NAA16: variants seen among roughly 807,000 people sequenced by gnomAD.
The protein encoded by NAA16 is N-alpha-acetyltransferase 16, NatA auxiliary subunit.
In NAA16, 97 loss-of-function variants were observed where a neutral mutation model predicts 110.3. The ratio of observed to expected loss-of-function variants is 0.88; its 90% CI spans 0.75 to 1.04. The LOEUF (loss-of-function observed/expected upper bound fraction) is 1.04, where lower values mean the gene tolerates loss of function less well. Ranked by LOEUF, NAA16 falls within the 50% of genes least tolerant of loss-of-function variation. The pLI is 0.00. For synonymous variants in NAA16, 372 were observed against 330.6 expected, an observed-to-expected ratio of 1.13 and a Z score of -1.36; for missense variants, 1,017 against 1,005.1, an observed-to-expected ratio of 1.01 and a Z score of -0.16.
At chr13:41,365,516 C>G (rs2043191393) in intron 13 of NAA16, among the ~76,000 whole-genome samples, 1 of 151,936 alleles carries the variant, frequency 6.6e-6, no homozygotes, top group Admixed American at 6.6e-5. Flanking sequence ...CTGTTTTTTC[C>G]AAAAGCAAAT....
intron 19 of NAA16, among the ~76,000 whole-genome samples, 165 bp from the exon 20 acceptor site, chr13:41,375,240 T>TA (rs1290810535): frequency 1.3e-5 from 2 of 152,214 alleles, no homozygotes; most frequent in African/African-American, 4.8e-5. Flanking sequence ...GTTGAATTTT[T>TA]AATGTGCCTT....
At chr13:41,334,531 A>G (rs1593448411) in intron 8 of NAA16, among the ~76,000 whole-genome samples, 1 of 152,224 alleles carries the variant, frequency 6.6e-6, no homozygotes, top group Non-Finnish European at 1.5e-5. Flanking sequence ...AAATATGGAC[A>G]TCATGTTTTG....
rs1203953113 is a variant in NAA16 at position 41,376,792 on chromosome 13, T to C, written c.*1190T>C. ...GGGGCGGGTGGATAGCTTTTTGTTCTATCTTGTACAGAAAACAGTAATGGA... is the reference window on the plus strand; with the variant it reads ...GGGGCGGGTGGATAGCTTTTTGTTCCATCTTGTACAGAAAACAGTAATGGA... On this transcript the variant is annotated 3_prime_UTR_variant, in exon 20 of 20. Coordinates refer to ENST00000379406, the MANE Select transcript of NAA16 (RefSeq NM_024561.5). 1 of 152,244 alleles carries C rather than the reference T, an allele frequency of 6.6e-6. No individual in the cohort carries two copies. The highest frequency in any genetic ancestry group is 1.5e-5 in the Non-Finnish European group (1 of 68,034). 9.4% of individuals were successfully genotyped at this position (152,244 alleles called of 1,614,324 possible). A position where few individuals can be genotyped will look rare whatever the true frequency, so the allele number is the denominator to read the frequency against.
intron 10 of NAA16, 23 bp downstream of exon 10, chr13:41,355,239 T>C: frequency 7.3e-7 from 1 of 1,372,202 alleles, no homozygotes; most frequent in Non-Finnish European, 1.0e-6. Flanking sequence ...TAGATTGAAT[T>C]GGAATTTGAT....
chr13:41,368,958 T>C (rs2043261224), intron 14 of NAA16, 132 bp from the exon 15 acceptor site: 1 of 633,692 alleles, frequency 1.6e-6, no homozygotes, highest in African/African-American at 1.9e-5. Context: ...CAGTGGACTT[T>C]GTGGGGGTGG....
At chr13:41,350,523 C>T (rs992868102) in intron 9 of NAA16, among the ~76,000 whole-genome samples, 1 of 151,600 alleles carries the variant, frequency 6.6e-6, no homozygotes, top group African/African-American at 2.4e-5. Flanking sequence ...GTCTCGATCT[C>T]CTGACCTCAT....
intron 13 of NAA16, among the ~76,000 whole-genome samples, chr13:41,366,715 G>A (rs1363675265): frequency 6.6e-6 from 1 of 152,146 alleles, no homozygotes; most frequent in Admixed American, 6.5e-5. Flanking sequence ...TGTAGGTAGA[G>A]TAAGAGAAAA....
intron 10 of NAA16, among the ~76,000 whole-genome samples, chr13:41,356,897 C>T (rs757524145): frequency 1.3e-5 from 2 of 152,134 alleles, no homozygotes; most frequent in East Asian, 1.9e-4. Context: ...TGTTTAAATA[C>T]GGGTGGTGCT....
intron 17 of NAA16, 60 bp from the exon 18 acceptor site, chr13:41,373,576 GT>G (rs144431396): frequency 0.041 from 47,957 of 1,175,464 alleles, 209 homozygotes; most frequent in Middle Eastern, 0.049. Flanking sequence ...TTTTCAGTAG[GT>G]TTTTTTTTTT....
intron 9 of NAA16, among the ~76,000 whole-genome samples, chr13:41,354,111 T>TAGTC (rs1368958654): frequency 2.0e-5 from 3 of 152,188 alleles, no homozygotes; most frequent in Non-Finnish European, 4.4e-5. Flanking sequence ...TGTTAATGTA[T>TAGTC]AGTCCTACCT....
chr13:41,362,745 A>G (rs1360651252), intron 13 of NAA16: 9 of 1,289,734 alleles, frequency 7.0e-6, no homozygotes, highest in African/African-American at 1.5e-5. Flanking sequence ...CTCCTTCCAC[A>G]TGGACCACAG....
chr13:41,348,230 C>T (rs184322872), intron 9 of NAA16, among the ~76,000 whole-genome samples: 65 of 152,082 alleles, frequency 4.3e-4, no homozygotes, highest in African/African-American at 1.5e-3. Flanking sequence ...TGCAGTGGCA[C>T]AATCTCGGCT....
At chr13:41,371,492 C>G (rs2043316213) in intron 15 of NAA16, among the ~76,000 whole-genome samples, 1 of 152,176 alleles carries the variant, frequency 6.6e-6, no homozygotes, top group African/African-American at 2.4e-5. Context: ...GCAAAACTAG[C>G]CCTTCACCCT....
At chr13:41,321,180 C>G (rs537134587) in intron 4 of NAA16, among the ~76,000 whole-genome samples, 1 of 152,086 alleles carries the variant, frequency 6.6e-6, no homozygotes, top group Non-Finnish European at 1.5e-5. Context: ...CACCTGCAGT[C>G]CCAGCTATCC....
At position 41,323,181 on chromosome 13, in the gene NAA16, A is replaced by G. The variant is rs1566246614; in HGVS notation, c.528A>G (p.Gln176=). 6.2e-7 allele frequency: 1 copy of G among 1,613,494 alleles called. No homozygotes were observed. Among genetic ancestry groups the G allele is most frequent in the Non-Finnish European group, 8.5e-7 (1 of 1,179,850 alleles). The change falls in exon 5 of 20, where the codon CAA becomes CAG. Residue 176 remains glutamine, a synonymous_variant. Coordinates refer to ENST00000379406, the MANE Select transcript of NAA16 (RefSeq NM_024561.5). Reference sequence around the variant, plus strand: ...TAAAACTGTTGGAAGAATTTAGACAAACTCAGCAAGTAAGAATTTTAATGT... The same window carrying G: ...TAAAACTGTTGGAAGAATTTAGACAGACTCAGCAAGTAAGAATTTTAATGT... ...MALKLLEEFR[Q]TQQVPPNKID...
intron 1 of NAA16, among the ~76,000 whole-genome samples, chr13:41,315,763 T>C (rs2041792507): frequency 6.6e-6 from 1 of 152,150 alleles, no homozygotes; most frequent in South Asian, 2.1e-4. Context: ...TGTTGCCACA[T>C]ATGTTTTTGC....
intron 12 of NAA16, among the ~76,000 whole-genome samples, chr13:41,359,786 A>G (rs577699757): frequency 4.4e-4 from 67 of 152,268 alleles, no homozygotes; most frequent in African/African-American, 1.6e-3. Flanking sequence ...ATCTAATATA[A>G]TAGAAAATTT....
At chr13:41,331,064 T>A (rs1383013961) in intron 7 of NAA16, among the ~76,000 whole-genome samples, 5 of 152,068 alleles carry the variant, frequency 3.3e-5, no homozygotes, top group Admixed American at 6.6e-5. Context: ...AAGTTTTGGA[T>A]TTTTCTGGAG....
At chr13:41,342,216 C>T (rs1593467329) in intron 9 of NAA16, among the ~76,000 whole-genome samples, 1 of 151,590 alleles carries the variant, frequency 6.6e-6, no homozygotes, top group East Asian at 1.9e-4. Flanking sequence ...CGGCTCACTG[C>T]AACTTCCGCC....
Sources: allele counts gnomAD v4.1 joint callset (sites outside exome capture counted in the v4.1 genomes callset), GRCh38; gene constraint gnomAD v4.1.1; transcripts MANE v1.5; gene names NCBI Gene and HGNC (gene_info 2026-07-23, HGNC 2026-07-21).